GPR176: variants seen among roughly 807,000 people sequenced by gnomAD.
GPR176 encodes G-protein coupled receptor 176.
GPR176 carries 26 observed loss-of-function variants against 35.4 expected under a neutral mutation model. The observed-to-expected ratio is 0.74, with a 90% CI of 0.54 to 1.02. GPR176 has a LOEUF of 1.02. Among genes scored for constraint, GPR176 ranks in the 50% least tolerant of loss-of-function variants. The pLI is 0.00. For missense variants in GPR176, 597 were observed against 665.3 expected (o/e 0.90, Z 1.13); for synonymous variants, 278 against 271.3 (o/e 1.02, Z -0.24).
chr15:39,873,857 A>G (rs2032143621), intron 1 of GPR176, among the ~76,000 whole-genome samples: 1 of 151,994 alleles, frequency 6.6e-6, no homozygotes, highest in Non-Finnish European at 1.5e-5. Context: ...TTTATCACCA[A>G]GCAGAAAAGT....
At chr15:39,861,970 T>C (rs1011022827) in intron 1 of GPR176, 9 of 152,192 alleles carry the variant, frequency 5.9e-5, no homozygotes, top group African/African-American at 1.9e-4. Flanking sequence ...TCTAGGTTAT[T>C]GTGTAGGACC....
chr15:39,893,155 G>A (rs1289064969), intron 1 of GPR176, among the ~76,000 whole-genome samples: 2 of 151,918 alleles, frequency 1.3e-5, no homozygotes, highest in East Asian at 3.9e-4. Flanking sequence ...TCACACAGGG[G>A]GATTTGGCAG....
intron 1 of GPR176, among the ~76,000 whole-genome samples, chr15:39,844,275 C>T (rs1290315218): frequency 2.0e-5 from 3 of 152,078 alleles, no homozygotes; most frequent in South Asian, 4.1e-4. Context: ...CATGCTGATT[C>T]ATAATCTAAG....
intron 1 of GPR176, among the ~76,000 whole-genome samples, chr15:39,918,439 A>C (rs965182971): frequency 6.6e-6 from 1 of 152,168 alleles, no homozygotes; most frequent in Admixed American, 6.5e-5. Flanking sequence ...ATATACATGT[A>C]TGTATGAATG....
intron 1 of GPR176, among the ~76,000 whole-genome samples, chr15:39,855,596 A>T (rs1480213322): frequency 6.6e-6 from 1 of 152,158 alleles, no homozygotes; most frequent in African/African-American, 2.4e-5. Context: ...TCTGGCATCC[A>T]AGCCCCAGCA....
At chr15:39,840,874 T>G (rs773771254) in intron 1 of GPR176, among the ~76,000 whole-genome samples, 12 of 152,176 alleles carry the variant, frequency 7.9e-5, no homozygotes, top group Admixed American at 2.6e-4. Context: ...ATTTAATGTG[T>G]GGTAATACAT....
At chr15:39,856,327 C>T (rs927737303) in intron 1 of GPR176, among the ~76,000 whole-genome samples, 23 of 152,224 alleles carry the variant, frequency 1.5e-4, no homozygotes, top group African/African-American at 5.3e-4. Context: ...ATCCCTCATA[C>T]AAATATAATC....
intron 1 of GPR176, among the ~76,000 whole-genome samples, chr15:39,873,404 T>G (rs1242621590): frequency 2.6e-5 from 4 of 152,032 alleles, no homozygotes; most frequent in Non-Finnish European, 4.4e-5. Context: ...AATTTGGGAA[T>G]GAGAAAGAGG....
intron 1 of GPR176, among the ~76,000 whole-genome samples, chr15:39,914,574 TG>T (rs1010139477): frequency 5.9e-5 from 9 of 152,270 alleles, no homozygotes; most frequent in Admixed American, 5.9e-4. Flanking sequence ...CCTCCCAAAG[TG>T]CTGGGATTAC....
At chr15:39,857,764 C>T (rs184850953) in intron 1 of GPR176, among the ~76,000 whole-genome samples, 2 of 151,908 alleles carry the variant, frequency 1.3e-5, no homozygotes, top group African/African-American at 4.8e-5. Flanking sequence ...GTCAGGAGAT[C>T]AAGACCATCC....
chr15:39,836,513 C>T (rs918369082), intron 1 of GPR176, among the ~76,000 whole-genome samples: 1 of 152,146 alleles, frequency 6.6e-6, no homozygotes, highest in Admixed American at 6.6e-5. Flanking sequence ...GTACAGCCTG[C>T]AGAACCATGA....
At chr15:39,835,675 T>G (rs1044157835) in intron 1 of GPR176, among the ~76,000 whole-genome samples, 1 of 152,192 alleles carries the variant, frequency 6.6e-6, no homozygotes, top group Non-Finnish European at 1.5e-5. Context: ...GAAAGGGCAG[T>G]GAGTATCACC....
chr15:39,818,688 C>G (rs766018551), intron 1 of GPR176, among the ~76,000 whole-genome samples: 5 of 152,196 alleles, frequency 3.3e-5, no homozygotes, highest in Non-Finnish European at 7.3e-5. Context: ...ACTATTTCAG[C>G]GACCACAGTC....
Position 39,802,071 on chromosome 15 carries a change from C to A in GPR176, c.609G>T (p.Leu203=), listed in dbSNP as rs1332707571. 1 of 1,614,122 alleles carries A rather than the reference C, an allele frequency of 6.2e-7. No individual in the cohort carries two copies. Among genetic ancestry groups the A allele is most frequent in the Admixed American group, 1.7e-5 (1 of 60,016 alleles). Residue 203 remains leucine (L), a synonymous_variant, in exon 3 of 3, where the codon CTG becomes CTT. Transcript: ENST00000561100. ...TGATGTTATACACCAGAACGTACAC[C>A]AGGTGGCCCAAGGAGTTGCTCCAGA... ...TEVWSNSLGH[L]VYVLVYNITT... is the part of the protein sequence containing the mutation.
intron 1 of GPR176, among the ~76,000 whole-genome samples, chr15:39,850,353 C>G (rs534912966): frequency 6.6e-6 from 1 of 152,306 alleles, no homozygotes; most frequent in East Asian, 1.9e-4. Flanking sequence ...CTTTGCTAAG[C>G]ACATGACTAT....
At chr15:39,857,740 G>C (rs905973910) in intron 1 of GPR176, among the ~76,000 whole-genome samples, 1 of 152,004 alleles carries the variant, frequency 6.6e-6, no homozygotes. Flanking sequence ...AGGCCAAGGC[G>C]GGCGGATCAC....
intron 1 of GPR176, among the ~76,000 whole-genome samples, chr15:39,835,488 T>G (rs769893607): frequency 6.6e-6 from 1 of 151,724 alleles, no homozygotes; most frequent in Non-Finnish European, 1.5e-5. Context: ...ATCCAAGAGA[T>G]AGTCCAGGAC....
intron 1 of GPR176, among the ~76,000 whole-genome samples, chr15:39,811,037 C>A (rs1313256105): frequency 1.3e-5 from 2 of 151,996 alleles, no homozygotes; most frequent in African/African-American, 4.8e-5. Flanking sequence ...AACTAATATG[C>A]CAGGTAACAA....
intron 1 of GPR176, among the ~76,000 whole-genome samples, chr15:39,901,892 G>A (rs960036682): frequency 6.6e-6 from 1 of 150,376 alleles, no homozygotes; most frequent in Non-Finnish European, 1.5e-5. Flanking sequence ...TGGCCAATAT[G>A]TTGAAAGCCT....
Sources: allele counts gnomAD v4.1 joint callset (sites outside exome capture counted in the v4.1 genomes callset), GRCh38; gene constraint gnomAD v4.1.1; transcripts MANE v1.5; gene names NCBI Gene and HGNC (gene_info 2026-07-23, HGNC 2026-07-21).